MEAF6: variants seen among roughly 807,000 people sequenced by gnomAD.
The protein encoded by MEAF6 is MYST/Esa1 associated factor 6, also known as chromatin modification-related protein MEAF6.
MEAF6 carries 15 observed loss-of-function variants against 28.9 expected under a neutral mutation model. The ratio of observed to expected loss-of-function variants is 0.52; its 90% CI spans 0.35 to 0.80. The LOEUF is 0.80. Among genes scored for constraint, MEAF6 ranks in the 30% least tolerant of loss-of-function variants. MEAF6 has a pLI of 0.01. For missense variants in MEAF6, 178 were observed against 237.5 expected (o/e 0.75, Z 1.65); for synonymous variants, 97 against 88.7 (o/e 1.09, Z -0.53).
chr1:37,514,072 T>C (rs1353939234), intron 1 of MEAF6: 4 of 169,580 alleles, frequency 2.4e-5, no homozygotes, highest in East Asian at 1.7e-4. Flanking sequence ...CCAGAGTGCA[T>C]TGGGCCTTGG....
At chr1:37,503,145 C>T (rs887547748) in intron 4 of MEAF6, among the ~76,000 whole-genome samples, 2 of 152,020 alleles carry the variant, frequency 1.3e-5, no homozygotes, top group Non-Finnish European at 2.9e-5. Flanking sequence ...CTATGTTGCC[C>T]AGGCTGGTCT....
At chr1:37,506,042 G>A (rs1642470057) in intron 4 of MEAF6, among the ~76,000 whole-genome samples, 1 of 152,216 alleles carries the variant, frequency 6.6e-6, no homozygotes. Flanking sequence ...GGAGGCCAAG[G>A]TGGGCGGATC....
chr1:37,507,752 A>T (rs1442297872), intron 4 of MEAF6, among the ~76,000 whole-genome samples: 1 of 151,904 alleles, frequency 6.6e-6, no homozygotes, highest in Non-Finnish European at 1.5e-5. Flanking sequence ...AGGCCCCTAG[A>T]AAGCGGAGGT....
chr1:37,510,554 G>A (rs570916094), intron 2 of MEAF6, among the ~76,000 whole-genome samples: 49 of 149,996 alleles, frequency 3.3e-4, no homozygotes, highest in African/African-American at 9.6e-4. Flanking sequence ...GCTAATTTTT[G>A]TATTTTTAGT....
In MEAF6 at chr1:37,491,540, A is replaced by T. The variant is rs1218071882; in HGVS notation, c.*2559T>A. ...AAGAAGCCATCATTACAAAATAAAA[A>T]TGTTTTAAATTAGCTGGGAATGGTG... On this transcript the variant is annotated 3_prime_UTR_variant, in exon 7 of 7. Transcript: ENST00000296214. Among the ~76,000 whole-genome samples, 5 of 152,080 alleles carry T rather than the reference A, an allele frequency of 3.3e-5. No homozygotes were observed. Among genetic ancestry groups the T allele is most frequent in the Non-Finnish European group, 7.4e-5 (5 of 68,002 alleles).
intron 4 of MEAF6, among the ~76,000 whole-genome samples, chr1:37,508,270 ATTTC>A (rs1642551425): frequency 9.0e-6 from 1 of 110,846 alleles, no homozygotes; most frequent in African/African-American, 3.5e-5. Context: ...CAGGATGAGC[ATTTC>A]TTTTTTTTTT....
At chr1:37,505,045 G>A (rs756959401) in intron 4 of MEAF6, among the ~76,000 whole-genome samples, 16 of 151,936 alleles carry the variant, frequency 1.1e-4, no homozygotes, top group Non-Finnish European at 1.6e-4. Context: ...CACCATGCCC[G>A]GCTCATTTTT....
intron 2 of MEAF6, among the ~76,000 whole-genome samples, chr1:37,511,443 T>C (rs542132523): frequency 2.0e-4 from 30 of 152,356 alleles, no homozygotes; most frequent in African/African-American, 6.7e-4. Flanking sequence ...ATCAACGGTG[T>C]ATACTAAACA....
At chr1:37,497,595 T>C (rs1477212859) in intron 5 of MEAF6, among the ~76,000 whole-genome samples, 2 of 151,446 alleles carry the variant, frequency 1.3e-5, no homozygotes, top group African/African-American at 4.9e-5. Context: ...TATTTATTTA[T>C]TTATTTATTT....
intron 1 of MEAF6, 124 bp from the exon 2 acceptor site, chr1:37,513,662 G>A (rs1557614435): frequency 1.3e-6 from 1 of 759,250 alleles, no homozygotes; most frequent in Non-Finnish European, 2.3e-6. Context: ...CCACCCTGTG[G>A]AGAGATGGAA....
intron 4 of MEAF6, among the ~76,000 whole-genome samples, chr1:37,507,530 T>C (rs186023038): frequency 2.2e-3 from 327 of 151,696 alleles, no homozygotes; most frequent in Middle Eastern, 3.5e-3. Context: ...TTGATGAGGC[T>C]GGCAGAAAGG....
At chr1:37,508,545 A>C (rs193142831) in intron 4 of MEAF6, among the ~76,000 whole-genome samples, 1 of 152,114 alleles carries the variant, frequency 6.6e-6, no homozygotes, top group East Asian at 1.9e-4. Context: ...TCTCCATTCC[A>C]AAGTGCAGGG....
intron 4 of MEAF6, among the ~76,000 whole-genome samples, chr1:37,505,679 A>G (rs1003984532): frequency 6.6e-5 from 10 of 152,040 alleles, no homozygotes; most frequent in Admixed American, 5.9e-4. Flanking sequence ...ATTTCACACT[A>G]AAAAAACAAC....
At chr1:37,500,946 G>C (rs1028244070) in intron 5 of MEAF6, 1 of 154,140 alleles carries the variant, frequency 6.5e-6, no homozygotes, top group Non-Finnish European at 1.5e-5. Flanking sequence ...GAACTTCTAG[G>C]AGGCATGGAA....
chr1:37,508,810 C>T lies in MEAF6; in HGVS notation c.340+468G>A, dbSNP rs115669760. 5.9e-3 allele frequency among the ~76,000 whole-genome samples: 902 copies of T among 152,186 alleles called. 5 individuals carry two copies. The highest frequency in any genetic ancestry group is 0.01 in the Middle Eastern group (3 of 294). On this transcript the variant is annotated intron_variant, in intron 4 of 6. Coordinates refer to ENST00000296214, the MANE Select transcript of MEAF6 (RefSeq NM_001270875.3). The stretch of plus-strand genomic sequence containing the variant: ...ATTTCTTCCTCAAAAGGAAAAAATA[C>T]GATTGTTCACAAATGGTGGCTCACA...
In MEAF6 at chr1:37,493,746, C is replaced by A; in HGVS notation, c.*353G>T. ...TTCTACTTTCAGCATAAAACAAAAC[C>A]AGAGAACATTTCTTGAAGGGTATCA... is the stretch of plus-strand genomic sequence containing the variant. On this transcript the variant is annotated 3_prime_UTR_variant, in exon 7 of 7. Coordinates refer to ENST00000296214, the MANE Select transcript of MEAF6 (RefSeq NM_001270875.3). The A allele has an allele frequency of 6.5e-7, 1 of 1,535,942 alleles. No individual in the cohort carries two copies. Among genetic ancestry groups the A allele is most frequent in the Non-Finnish European group, 8.8e-7 (1 of 1,134,506 alleles).
rs9253 is a variant in MEAF6 at position 37,493,212 on chromosome 1, C to G, written c.*887G>C. On this transcript the variant is annotated 3_prime_UTR_variant, in exon 7 of 7. Coordinates refer to ENST00000296214, the MANE Select transcript of MEAF6 (RefSeq NM_001270875.3). ...GAGCAATATTTAATCAGGTGAATAC[C>G]AGCAAAGAGAGAAAATACAGAAAAA... is the stretch of plus-strand genomic sequence containing the variant. 19,832 of 152,134 alleles carry G rather than the reference C, an allele frequency of 0.13. 1,584 individuals are homozygous for G. The highest frequency in any genetic ancestry group is 0.17 in the South Asian group (842 of 4,822). 9.4% of individuals were successfully genotyped at this position (152,134 alleles called of 1,614,324 possible).
intron 5 of MEAF6, 92 bp downstream of exon 5, chr1:37,501,712 G>A: frequency 8.1e-7 from 1 of 1,241,594 alleles, no homozygotes; most frequent in Non-Finnish European, 1.1e-6. Context: ...AACAGAAAGA[G>A]TCTGCAGCAA....
At chr1:37,496,684 A>G in intron 5 of MEAF6, 2 of 1,586,350 alleles carry the variant, frequency 1.3e-6, no homozygotes, top group Non-Finnish European at 8.6e-7. Context: ...CACAGCACAA[A>G]TACTAATTCA....
Sources: gnomAD v4.1 joint callset for allele counts (sites outside exome capture counted in the v4.1 genomes callset) on GRCh38, gnomAD v4.1.1 for gene constraint, MANE v1.5 for transcripts, NCBI Gene and HGNC (gene_info 2026-07-23, HGNC 2026-07-21) for gene names.